The following INPP4B variants were observed in gnomAD, a reference collection of about 807,000 sequenced individuals.
INPP4B encodes inositol polyphosphate 4-phosphatase type II.
A neutral mutation model predicts 122.5 loss-of-function variants in INPP4B; 55 were observed. The ratio of observed to expected loss-of-function variants is 0.45; its 90% CI spans 0.36 to 0.56. The LOEUF is 0.56. Ranked by LOEUF, INPP4B falls within the 20% of genes least tolerant of loss-of-function variation. The pLI, the probability that INPP4B is intolerant of heterozygous loss-of-function variation, is 0.00. For synonymous variants in INPP4B, 403 were observed against 388.7 expected (o/e 1.04, Z -0.43); for missense variants, 1,000 against 1,097.7 (o/e 0.91, Z 1.26).
At chr4:142,319,889 C>T (rs188095598) in intron 7 of INPP4B, among the ~76,000 whole-genome samples, 371 of 152,306 alleles carry the variant, frequency 2.4e-3, no homozygotes, top group African/African-American at 8.5e-3. Flanking sequence ...TATTTGTTCA[C>T]GGCTCTGTAG....
At chr4:142,042,526 G>T (rs376979805) in intron 25 of INPP4B, among the ~76,000 whole-genome samples, 1 of 41,248 alleles carries the variant, frequency 2.4e-5, no homozygotes, top group South Asian at 8.1e-4. Flanking sequence ...GTGTATGTAT[G>T]TATGTATGTA....
chr4:142,506,047 A>G (rs1421987215), intron 2 of INPP4B, among the ~76,000 whole-genome samples: 2 of 152,150 alleles, frequency 1.3e-5, no homozygotes, highest in African/African-American at 2.4e-5. Flanking sequence ...AGAAATTAAT[A>G]TTATCATAGT....
intron 7 of INPP4B, among the ~76,000 whole-genome samples, chr4:142,388,749 T>C (rs1459301149): frequency 1.3e-5 from 2 of 152,208 alleles, no homozygotes; most frequent in African/African-American, 4.8e-5. Context: ...AATAGGCTGA[T>C]TGGCTTTGGG....
At chr4:142,831,829 T>C (rs1209872379) in intron 1 of INPP4B, among the ~76,000 whole-genome samples, 2 of 152,204 alleles carry the variant, frequency 1.3e-5, no homozygotes, top group Admixed American at 6.5e-5. Context: ...TCCATGGTTA[T>C]TTTAATGAAG....
At chr4:142,230,088 T>A (rs1853498299) in intron 12 of INPP4B, among the ~76,000 whole-genome samples, 1 of 152,236 alleles carries the variant, frequency 6.6e-6, no homozygotes, top group Non-Finnish European at 1.5e-5. Context: ...AACAAATTAC[T>A]ACTCTAAATC....
At chr4:142,599,907 T>TA (rs1399114357) in intron 2 of INPP4B, among the ~76,000 whole-genome samples, 1 of 151,728 alleles carries the variant, frequency 6.6e-6, no homozygotes, top group Non-Finnish European at 1.5e-5. Flanking sequence ...AATGATAGAC[T>TA]AGACCAAGCA....
chr4:142,504,052 A>G (rs1823711969), intron 2 of INPP4B, among the ~76,000 whole-genome samples: 1 of 152,232 alleles, frequency 6.6e-6, no homozygotes, highest in Non-Finnish European at 1.5e-5. Flanking sequence ...CATAACTTAT[A>G]CATCTATTTG....
chr4:142,581,072 G>A (rs889668351), intron 2 of INPP4B, among the ~76,000 whole-genome samples: 7 of 151,950 alleles, frequency 4.6e-5, no homozygotes, highest in African/African-American at 1.7e-4. Context: ...ATTTCTTGAA[G>A]GGGCAAAAGA....
At chr4:142,618,319 G>A (rs1456964519) in intron 2 of INPP4B, among the ~76,000 whole-genome samples, 1 of 151,972 alleles carries the variant, frequency 6.6e-6, no homozygotes, top group Non-Finnish European at 1.5e-5. Flanking sequence ...CACGCTTCCT[G>A]GTTTCAAAAT....
At chr4:142,762,984 A>G (rs11938151) in intron 1 of INPP4B, among the ~76,000 whole-genome samples, 1 of 152,098 alleles carries the variant, frequency 6.6e-6, no homozygotes, top group Admixed American at 6.6e-5. Flanking sequence ...ACAGGGCGCC[A>G]TCTTGAAAGC....
In INPP4B at chr4:142,024,336, A is replaced by C. The variant is rs1490502779; in HGVS notation, c.*4446T>G. ...AGCTTATGTAGATTGCTGCTGGGTT[A>C]AATGAATATGAATTCACACTAAAAT... On this transcript the variant is annotated 3_prime_UTR_variant, in exon 26 of 26. Transcript: ENST00000262992. 6.6e-6 allele frequency: 1 copy of C among 152,176 alleles called. No homozygotes were observed. The highest frequency in any genetic ancestry group is 2.4e-5 in the African/African-American group (1 of 41,456). The allele number at this position is 152,176 out of a possible 1,614,324, so 9.4% of individuals were successfully genotyped here.
intron 2 of INPP4B, among the ~76,000 whole-genome samples, chr4:142,709,881 T>G (rs927331792): frequency 6.6e-6 from 1 of 152,236 alleles, no homozygotes; most frequent in Non-Finnish European, 1.5e-5. Context: ...TACTGTTCTA[T>G]AAGCTTTAGC....
chr4:142,174,133 C>A (rs558433897), intron 15 of INPP4B, among the ~76,000 whole-genome samples: 1 of 151,942 alleles, frequency 6.6e-6, no homozygotes, highest in African/African-American at 2.4e-5. Flanking sequence ...GTATTCAAAA[C>A]AAATTAGTAT....
intron 2 of INPP4B, among the ~76,000 whole-genome samples, chr4:142,645,604 A>G (rs903222132): frequency 1.3e-5 from 2 of 152,166 alleles, no homozygotes; most frequent in African/African-American, 4.8e-5. Flanking sequence ...TGAGGAGTTG[A>G]GCTGCAGAGA....
intron 2 of INPP4B, among the ~76,000 whole-genome samples, chr4:142,702,670 C>T (rs192863057): frequency 0.023 from 3,035 of 130,276 alleles, 106 homozygotes; most frequent in African/African-American, 0.082. Context: ...GCGGAGGTTG[C>T]GGTGAGCCGA....
intron 2 of INPP4B, among the ~76,000 whole-genome samples, chr4:142,669,945 G>T (rs904069511): frequency 6.6e-6 from 1 of 152,150 alleles, no homozygotes; most frequent in Non-Finnish European, 1.5e-5. Flanking sequence ...CAAAAAATTT[G>T]AAGATACAGG....
intron 1 of INPP4B, among the ~76,000 whole-genome samples, chr4:142,737,826 G>T (rs1416750755): frequency 1.1e-4 from 17 of 152,154 alleles, no homozygotes; most frequent in Admixed American, 1.1e-3. Flanking sequence ...CTCAAAAGAA[G>T]ACATTTATGC....
intron 1 of INPP4B, among the ~76,000 whole-genome samples, chr4:142,737,789 G>A (rs1316329625): frequency 6.6e-6 from 1 of 152,142 alleles, no homozygotes; most frequent in African/African-American, 2.4e-5. Flanking sequence ...CCATCAAAAA[G>A]TGAGCGAAGG....
chr4:142,693,382 C>T (rs887907356), intron 2 of INPP4B, among the ~76,000 whole-genome samples: 1 of 151,410 alleles, frequency 6.6e-6, no homozygotes, highest in Non-Finnish European at 1.5e-5. Flanking sequence ...CCTTAAAGGG[C>T]TCCACCCTAA....
Sources: allele counts gnomAD v4.1 joint callset (sites outside exome capture counted in the v4.1 genomes callset), GRCh38; gene constraint gnomAD v4.1.1; transcripts MANE v1.5; gene names NCBI Gene and HGNC (gene_info 2026-07-23, HGNC 2026-07-21).